Variants in TENM4 observed in about 807,000 individuals in gnomAD.
TENM4 encodes the protein teneurin-4.
TENM4 carries 82 observed loss-of-function variants against 243.3 expected under a neutral mutation model. The observed-to-expected ratio is 0.34, with a 90% confidence interval of 0.28 to 0.40. The LOEUF (loss-of-function observed/expected upper bound fraction) is 0.40. Ranked by LOEUF, TENM4 falls within the 10% of genes least tolerant of loss-of-function variation. The pLI is 1.00. For synonymous variants in TENM4, 1,412 were observed against 1,456.3 expected (o/e 0.97, Z 0.69); for missense variants, 3,138 against 3,673.3 (o/e 0.85, Z 3.77).
intron 27 of TENM4, among the ~76,000 whole-genome samples, chr11:78,706,634 T>G (rs1332666833): frequency 1.3e-5 from 2 of 152,192 alleles, no homozygotes; most frequent in East Asian, 3.8e-4. Flanking sequence ...AATCTAAGTG[T>G]GGGTTTTAGC....
chr11:79,338,920 G>A (rs549127293), intron 1 of TENM4, among the ~76,000 whole-genome samples: 12 of 152,302 alleles, frequency 7.9e-5, no homozygotes, highest in African/African-American at 2.6e-4. Flanking sequence ...GACCAACATG[G>A]AAGTTGAGTC....
In TENM4 at chr11:78,805,281, CCTGCATTT is replaced by C; in HGVS notation, c.2179+3_2179+10del. 2 of 1,488,494 alleles carry C rather than the reference CCTGCATTT, an allele frequency of 1.3e-6. No individual in the cohort carries two copies. Among genetic ancestry groups the C allele is most frequent in the Admixed American group, 1.9e-5 (1 of 53,496 alleles). The allele number at this position is 1,488,494 out of a possible 1,614,324, so 92.2% of individuals were successfully genotyped here. A position where few individuals can be genotyped will look rare whatever the true frequency, so the allele number is the denominator to read the frequency against. On this transcript the variant is annotated splice_donor_5th_base_variant and intron_variant, in intron 15 of 33. Coordinates refer to ENST00000278550, the MANE Select transcript of TENM4 (RefSeq NM_001098816.3). ...TCCCTCTACCCATGCTTCTTCTCCC[CCTGCATTT>C]ACCGATAGAACAGTCGTGTCCAGTC... is the stretch of plus-strand genomic sequence containing the variant.
At chr11:79,267,296 C>T (rs1855898965) in intron 2 of TENM4, among the ~76,000 whole-genome samples, 1 of 152,328 alleles carries the variant, frequency 6.6e-6, no homozygotes, top group East Asian at 1.9e-4. Context: ...CATATGTCTA[C>T]TCTTGACATA....
At chr11:79,289,450 G>C (rs2135379163) in intron 2 of TENM4, among the ~76,000 whole-genome samples, 1 of 152,358 alleles carries the variant, frequency 6.6e-6, no homozygotes, top group Admixed American at 6.5e-5. Flanking sequence ...GCCCAAGAGA[G>C]CTGTCACCTG....
intron 2 of TENM4, among the ~76,000 whole-genome samples, chr11:79,248,020 A>T (rs904237691): frequency 6.6e-6 from 1 of 152,154 alleles, no homozygotes; most frequent in Non-Finnish European, 1.5e-5. Flanking sequence ...GGTCCCTTAT[A>T]AACACGCAGG....
intron 29 of TENM4, among the ~76,000 whole-genome samples, chr11:78,687,765 G>A (rs1459054636): frequency 5.3e-5 from 8 of 152,154 alleles, no homozygotes; most frequent in Non-Finnish European, 1.2e-4. Context: ...TAATCTGGGA[G>A]TCATTAGGAT....
intron 1 of TENM4, among the ~76,000 whole-genome samples, chr11:79,330,350 G>A (rs1857042133): frequency 6.6e-6 from 1 of 152,176 alleles, no homozygotes; most frequent in African/African-American, 2.4e-5. Flanking sequence ...GCACAGAGAA[G>A]CCACTTCCTG....
intron 1 of TENM4, among the ~76,000 whole-genome samples, chr11:79,385,878 C>CA (rs1247197101): frequency 6.6e-6 from 1 of 152,152 alleles, no homozygotes; most frequent in East Asian, 1.9e-4. Flanking sequence ...CACACACCTG[C>CA]ACCCTCCAAA....
intron 12 of TENM4, among the ~76,000 whole-genome samples, chr11:78,825,009 A>T (rs1857819807): frequency 6.6e-6 from 1 of 152,224 alleles, no homozygotes. Flanking sequence ...TTCAAAAATC[A>T]AAATGCTGCT....
At chr11:79,421,719 A>C (rs1858935652) in intron 1 of TENM4, among the ~76,000 whole-genome samples, 1 of 152,154 alleles carries the variant, frequency 6.6e-6, no homozygotes, top group Admixed American at 6.5e-5. Flanking sequence ...AAAAAAAAAA[A>C]ACAGTTATCA....
At chr11:78,852,377 C>T (rs980073417) in intron 12 of TENM4, among the ~76,000 whole-genome samples, 1 of 152,182 alleles carries the variant, frequency 6.6e-6, no homozygotes, top group Non-Finnish European at 1.5e-5. Context: ...GAAAATGACT[C>T]CTGTTGTTTA....
chr11:79,228,121 C>T (rs616214), intron 2 of TENM4, among the ~76,000 whole-genome samples: 114,727 of 152,042 alleles, frequency 0.75, 43,547 homozygotes, highest in East Asian at 0.96. Context: ...CGACACAGGC[C>T]GGGACTGAGA....
At chr11:78,722,533 T>C in intron 24 of TENM4, 135 bp downstream of exon 24, 1 of 1,230,018 alleles carries the variant, frequency 8.1e-7, no homozygotes, top group South Asian at 1.5e-5. Flanking sequence ...AGCTGGGAGG[T>C]GAAAAGTCTC....
At chr11:78,902,467 C>A (rs1374178563) in intron 7 of TENM4, among the ~76,000 whole-genome samples, 1 of 152,144 alleles carries the variant, frequency 6.6e-6, no homozygotes, top group South Asian at 2.1e-4. Flanking sequence ...CCAGCAGAGA[C>A]GAAGAGAAGG....
chr11:79,380,279 A>G (rs1461236440), intron 1 of TENM4, among the ~76,000 whole-genome samples: 1 of 152,160 alleles, frequency 6.6e-6, no homozygotes, highest in Non-Finnish European at 1.5e-5. Context: ...AGTGGCACAC[A>G]TGGGCATTTT....
chr11:79,244,214 C>T (rs1046455437), intron 2 of TENM4, among the ~76,000 whole-genome samples: 1 of 152,154 alleles, frequency 6.6e-6, no homozygotes, highest in African/African-American at 2.4e-5. Context: ...GCTCCTGGCT[C>T]GGGGAAAATG....
intron 19 of TENM4, among the ~76,000 whole-genome samples, chr11:78,745,764 G>T (rs532247533): frequency 6.6e-6 from 1 of 152,238 alleles, no homozygotes; most frequent in African/African-American, 2.4e-5. Flanking sequence ...TATCTACCTT[G>T]GGACTATGAT....
At chr11:79,056,758 C>T (rs1859955599) in intron 6 of TENM4, among the ~76,000 whole-genome samples, 1 of 152,024 alleles carries the variant, frequency 6.6e-6, no homozygotes, top group African/African-American at 2.4e-5. Context: ...GAGGAGTGGG[C>T]AAGGGATATG....
intron 1 of TENM4, among the ~76,000 whole-genome samples, chr11:79,328,345 C>G (rs909517498): frequency 1.3e-5 from 2 of 152,172 alleles, no homozygotes; most frequent in African/African-American, 2.4e-5. Context: ...TAACATTGTT[C>G]TTCTTCCTTC....
Sources: gnomAD v4.1 joint callset for allele counts (sites outside exome capture counted in the v4.1 genomes callset) on GRCh38, gnomAD v4.1.1 for gene constraint, MANE v1.5 for transcripts, NCBI Gene and HGNC (gene_info 2026-07-23, HGNC 2026-07-21) for gene names.